DGKA: variants seen among roughly 807,000 people sequenced by gnomAD.
The protein encoded by DGKA is 80 kDa diacylglycerol kinase.
DGKA carries 35 observed loss-of-function variants against 105.0 expected under a neutral mutation model. The observed-to-expected ratio is 0.33, with a 90% confidence interval of 0.25 to 0.44. The LOEUF is 0.44. Ranked by LOEUF, DGKA falls within the 20% of genes least tolerant of loss-of-function variation. The pLI, the probability that DGKA is intolerant of heterozygous loss-of-function variation, is 1.00. For synonymous variants in DGKA, 296 were observed against 332.0 expected, an observed-to-expected ratio of 0.89 and a Z score of 1.18; for missense variants, 665 against 915.0, an observed-to-expected ratio of 0.73 and a Z score of 3.53.
chr12:55,935,784 C>T, intron 1 of DGKA: 2 of 751,348 alleles, frequency 2.7e-6, no homozygotes, highest in Non-Finnish European at 3.2e-6. Flanking sequence ...GAACGCAGTC[C>T]AGGCGGGGCC....
At chr12:55,944,401 G>A (rs1029574036) in intron 17 of DGKA, among the ~76,000 whole-genome samples, 4 of 152,192 alleles carry the variant, frequency 2.6e-5, no homozygotes, top group Non-Finnish European at 4.4e-5. Flanking sequence ...TGAAAAGATC[G>A]AGGCTGTAGT....
chr12:55,951,526 AG>A, intron 17 of DGKA, 96 bp from the exon 18 acceptor site: 1 of 1,349,122 alleles, frequency 7.4e-7, no homozygotes, highest in African/African-American at 1.5e-5. Flanking sequence ...CTGTAGAAAC[AG>A]GGCAGAAGGC....
chr12:55,936,029 G>A, intron 1 of DGKA: 1 of 991,878 alleles, frequency 1.0e-6, no homozygotes, highest in Non-Finnish European at 1.2e-6. Context: ...GCTCAGGATG[G>A]GGAGAGTCTG....
chr12:55,946,344 TTTG>T (rs547976590), intron 17 of DGKA, among the ~76,000 whole-genome samples: 9 of 151,192 alleles, frequency 6.0e-5, no homozygotes, highest in East Asian at 5.8e-4. Context: ...CTAATTTTGT[TTTG>T]TTGTTGTTGT....
At chr12:55,950,900 C>A (rs1216357457) in intron 17 of DGKA, among the ~76,000 whole-genome samples, 4 of 151,994 alleles carry the variant, frequency 2.6e-5, no homozygotes, top group Non-Finnish European at 5.9e-5. Context: ...CTATCTTTTT[C>A]TTTTGGGCTT....
chr12:55,937,546 A>G lies in DGKA; in HGVS notation c.274+3A>G. 1 of 1,614,012 alleles carries G rather than the reference A, an allele frequency of 6.2e-7. No homozygotes were observed. The highest frequency in any genetic ancestry group is 8.5e-7 in the Non-Finnish European group (1 of 1,179,894). On this transcript the variant is annotated splice_donor_region_variant and intron_variant, in intron 4 of 23. Coordinates refer to ENST00000331886, the MANE Select transcript of DGKA (RefSeq NM_001345.5). ...AAATGAGACAAATGTGACAAAAGGT[A>G]TGGTCAAGCAGGTAGGACTGGGCTA...
rs1294720715 is a variant in DGKA, at chr12:55,953,685, A to G, written c.2125A>G (p.Ile709Val). 1.2e-6 allele frequency: 2 copies of G among 1,613,988 alleles called. No homozygotes were observed. Among genetic ancestry groups the G allele is most frequent in the Non-Finnish European group, 1.7e-6 (2 of 1,179,926 alleles). Residue 709 changes from isoleucine (I) to valine (V), a missense_variant and splice_region_variant, in exon 24 of 24, where the codon ATC becomes GTC. By Grantham distance (29) the Ile-to-Val change is conservative (BLOSUM62 3). Around this residue, in one of 3 missense-constraint regions of DGKA, gnomAD observed 158 missense variants for 213.4 expected, o/e 0.74. Transcript: ENST00000331886. ...CTGAATGTGCTCCCTTCCCTTCCAG[A>G]TCAAGATCACCCACAAGAACCAGAT... ...GEPWMQTPCT[I>V]KITHKNQMPM...
chr12:55,935,667 C>T (rs1884490782), intron 1 of DGKA: 1 of 153,646 alleles, frequency 6.5e-6, no homozygotes, highest in Non-Finnish European at 1.4e-5. Flanking sequence ...GTCAGTATCC[C>T]AGAACCCTCT....
chr12:55,944,198 G>T (rs963889436), intron 17 of DGKA, among the ~76,000 whole-genome samples: 1 of 152,234 alleles, frequency 6.6e-6, no homozygotes, highest in Non-Finnish European at 1.5e-5. Flanking sequence ...AACTCAGGAG[G>T]TGGAGGCTGG....
chr12:55,948,900 G>C (rs1220612033), intron 17 of DGKA, among the ~76,000 whole-genome samples: 1 of 151,994 alleles, frequency 6.6e-6, no homozygotes, highest in African/African-American at 2.4e-5. Flanking sequence ...GCACACGCCT[G>C]TAATCCCAGC....
At chr12:55,937,230 A>T in intron 3 of DGKA, 140 bp downstream of exon 3, 1 of 1,229,782 alleles carries the variant, frequency 8.1e-7, no homozygotes, top group Admixed American at 1.9e-5. Flanking sequence ...CACTCTGACT[A>T]TTGCTTTAGG....
Position 55,952,682 on chromosome 12 carries a change from T to C in DGKA, c.1744-52T>C. ...AGCGATCACATCTATGATCATGCCA[T>C]GAGGTGAGGATCTGTACCCTCCCTA... On this transcript the variant is annotated intron_variant, in intron 20 of 23. Coordinates refer to ENST00000331886, the MANE Select transcript of DGKA (RefSeq NM_001345.5). The surrounding 1 kb of genome is among the most constrained non-coding windows in gnomAD (Gnocchi z 5.1). 4 of 1,590,166 alleles carry C rather than the reference T, an allele frequency of 2.5e-6. No homozygotes were observed. The highest frequency in any genetic ancestry group is 1.7e-6 in the Non-Finnish European group (2 of 1,159,264).
intron 1 of DGKA, chr12:55,935,723 TCTTCCCTACCCCGCGCCTAGTTCCCCACC>T: frequency 4.8e-6 from 1 of 209,612 alleles, no homozygotes; most frequent in Non-Finnish European, 8.3e-6. Context: ...TTCCCCTGCC[TCTTCCCTACCCCGCGCCTAGTTCCCCACC>T]CTTCCCTAGT....
In DGKA at chr12:55,953,988, TA is replaced by T; in HGVS notation, c.*224del. ...ATACATTGAAAGTGCCTCATCTGAA[TA>T]AAATGACTTGTGTTTCCCCTTTGGG... On this transcript the variant is annotated 3_prime_UTR_variant, in exon 24 of 24. Coordinates refer to ENST00000331886, the MANE Select transcript of DGKA (RefSeq NM_001345.5). 1.6e-6 allele frequency: 1 copy of T among 639,018 alleles called. No individual in the cohort carries two copies. The allele number at this position is 639,018 out of a possible 1,614,324, so 39.6% of individuals were successfully genotyped here.
chr12:55,940,612 C>T lies in DGKA; in HGVS notation c.919-12C>T, dbSNP rs774896874. 1.9e-6 allele frequency: 3 copies of T among 1,570,156 alleles called. No individual in the cohort carries two copies. Among genetic ancestry groups the T allele is most frequent in the Non-Finnish European group, 1.7e-6 (2 of 1,160,722 alleles). On this transcript the variant is annotated splice_polypyrimidine_tract_variant and intron_variant, in intron 11 of 23. Transcript: ENST00000331886. This position sits in a 1 kb window ranked among gnomAD's most constrained non-coding sequence, Gnocchi z 4.3. ...ACCTTCGTGATCTCTCTGTGCCCAC[C>T]TCGTCTTTCAGATCCACGATGACTG...
rs771842893 is a variant in DGKA at position 55,938,417 on chromosome 12, T to G, written c.350-94T>G. 2.0e-6 allele frequency: 3 copies of G among 1,525,410 alleles called. No homozygotes were observed. The African/African-American group carries it at 4.1e-5, about 21-fold the overall frequency. 94.5% of individuals were successfully genotyped at this position (1,525,410 alleles called of 1,614,324 possible). ...GGCTCTAGGCTTCTCACCCAAAAGC[T>G]CTCTCCCTGTCTCTTTGTTTCCCCC... On this transcript the variant is annotated intron_variant, in intron 5 of 23. Coordinates refer to ENST00000331886, the MANE Select transcript of DGKA (RefSeq NM_001345.5).
At position 55,951,685 on chromosome 12, in the gene DGKA, A is replaced by G. The variant is rs747176118; in HGVS notation, c.1489A>G (p.Met497Val). The change falls in exon 18 of 24, where the codon ATG becomes GTG. Residue 497 changes from methionine (M) to valine (V), a missense_variant. Coordinates refer to ENST00000331886, the MANE Select transcript of DGKA (RefSeq NM_001345.5). ...TTTAGAGATGAGTAAAGTGGTACAT[A>G]TGGATCGATGGTCTGTGGAGGTGAT... is the stretch of plus-strand genomic sequence containing the variant. ...KDLEMSKVVHMDRWSVEVIPQ... is the reference protein window; with the variant it reads ...KDLEMSKVVHVDRWSVEVIPQ... The G allele has an allele frequency of 5.6e-6, 9 of 1,613,940 alleles. No individual in the cohort carries two copies. The highest frequency in any genetic ancestry group is 7.6e-6 in the Non-Finnish European group (9 of 1,180,024).
chr12:55,934,918 A>G (rs1884347072), intron 1 of DGKA, among the ~76,000 whole-genome samples: 1 of 152,198 alleles, frequency 6.6e-6, no homozygotes, highest in African/African-American at 2.4e-5. Flanking sequence ...CATTGCTTTG[A>G]GCAGGGGAGA....
At chr12:55,929,191 C>A (rs909694320), upstream of DGKA, 1 of 152,236 alleles carries the variant, frequency 6.6e-6, no homozygotes, top group Non-Finnish European at 1.5e-5. Flanking sequence ...ACTGTTATTG[C>A]AAGTGTTGTG....
Sources: allele counts gnomAD v4.1 joint callset (sites outside exome capture counted in the v4.1 genomes callset), GRCh38; gene constraint gnomAD v4.1.1; regional missense constraint gnomAD v4.1.1; non-coding constraint Gnocchi (gnomAD v3.1); transcripts MANE v1.5; gene names NCBI Gene and HGNC (gene_info 2026-07-23, HGNC 2026-07-21).